GNA12: variants seen among roughly 807,000 people sequenced by gnomAD.
The protein encoded by GNA12 is guanine nucleotide-binding protein subunit alpha-12.
A neutral mutation model predicts 26.0 loss-of-function variants in GNA12; 9 were observed. The observed-to-expected ratio is 0.35, with a 90% confidence interval of 0.21 to 0.60. The LOEUF (loss-of-function observed/expected upper bound fraction) is 0.60, where lower values mean the gene tolerates loss of function less well. Among genes scored for constraint, GNA12 ranks in the 20% least tolerant of loss-of-function variants. GNA12 has a pLI of 0.78. For synonymous variants in GNA12, 264 were observed against 219.6 expected, an observed-to-expected ratio of 1.20 and a Z score of -1.79; for missense variants, 405 against 525.8, an observed-to-expected ratio of 0.77 and a Z score of 2.25.
Position 2,731,529 on chromosome 7 carries a change from G to T in GNA12, c.798C>A (p.Arg266=). ...EYDQVLMEDR[R]TNRLVESMNI... is the part of the protein sequence containing the mutation. ...TCATGGACTCCACCAGCCGGTTGGT[G>T]CGCCTGTCCTCCATGAGGACCTGGT... Residue 266 remains arginine, a synonymous_variant, in exon 4 of 4, where the codon CGC becomes CGA. Transcript: ENST00000275364. This position sits in a 1 kb window ranked among gnomAD's most constrained non-coding sequence, Gnocchi z 6.0. 1.9e-6 allele frequency: 3 copies of T among 1,612,262 alleles called. No individual in the cohort carries two copies. The highest frequency in any genetic ancestry group is 2.5e-6 in the Non-Finnish European group (3 of 1,178,696).
intron 1 of GNA12, chr7:2,835,722 A>T (rs1778818881): frequency 1.0e-6 from 1 of 952,422 alleles, no homozygotes. Flanking sequence ...GTAGAATCAC[A>T]GAGCTGAAGG....
chr7:2,738,797 G>A (rs750230652), intron 2 of GNA12, among the ~76,000 whole-genome samples: 3 of 152,152 alleles, frequency 2.0e-5, no homozygotes, highest in East Asian at 1.9e-4. Flanking sequence ...GGTTAGAGGC[G>A]GAACCTAGAA....
At chr7:2,808,541 G>A (rs1220630217) in intron 1 of GNA12, among the ~76,000 whole-genome samples, 1 of 152,194 alleles carries the variant, frequency 6.6e-6, no homozygotes, top group Admixed American at 6.5e-5. Flanking sequence ...CGCACAGGAG[G>A]ACCTCACTCC....
rs960426434 is a variant in GNA12, at chr7:2,762,942, G to A, written c.526-29441C>T. On this transcript the variant is annotated intron_variant, in intron 2 of 3. Transcript: ENST00000275364. ...AGGCGGGGACGCCCCAGACACTCCCGTGGGGCCCGTGCCAGGGTCTCCTGC... is the reference window on the plus strand; with the variant it reads ...AGGCGGGGACGCCCCAGACACTCCCATGGGGCCCGTGCCAGGGTCTCCTGC... 7.5e-5 allele frequency: 104 copies of A among 1,380,048 alleles called. No homozygotes were observed. The African/African-American group carries it at 1.0e-3, about 14-fold the overall frequency. 85.5% of individuals were successfully genotyped at this position (1,380,048 alleles called of 1,614,324 possible).
At chr7:2,808,196 C>T (rs1792994798) in intron 1 of GNA12, among the ~76,000 whole-genome samples, 1 of 152,240 alleles carries the variant, frequency 6.6e-6, no homozygotes, top group South Asian at 2.1e-4. Context: ...GAACATGTTT[C>T]CTTCTCACGC....
chr7:2,776,389 C>G (rs1792077041), intron 2 of GNA12, among the ~76,000 whole-genome samples: 1 of 152,210 alleles, frequency 6.6e-6, no homozygotes, highest in African/African-American at 2.4e-5. Context: ...GACCAGGGGA[C>G]ACACTGTACA....
chr7:2,817,069 A>C (rs1793234404), intron 1 of GNA12, among the ~76,000 whole-genome samples: 1 of 152,160 alleles, frequency 6.6e-6, no homozygotes, highest in Non-Finnish European at 1.5e-5. Context: ...CTCTCTACTT[A>C]AACTTTCCAA....
In GNA12 at chr7:2,730,556, A is replaced by C. The variant is rs1789836213; in HGVS notation, c.*625T>G. On this transcript the variant is annotated 3_prime_UTR_variant, in exon 4 of 4. Transcript: ENST00000275364. Reference sequence around the variant, plus strand: ...AGGCACGGCTCCTCAGCTTCATCTGAGAGGCTTGGACTAGGGGCTCTTAGG... The same window carrying C: ...AGGCACGGCTCCTCAGCTTCATCTGCGAGGCTTGGACTAGGGGCTCTTAGG... 1 of 152,418 alleles carries C rather than the reference A, an allele frequency of 6.6e-6. No homozygotes were observed. The highest frequency in any genetic ancestry group is 2.4e-5 in the African/African-American group (1 of 41,426). The allele number at this position is 152,418 out of a possible 1,614,324, so 9.4% of individuals were successfully genotyped here.
At chr7:2,841,137 G>A (rs1025515654) in intron 1 of GNA12, among the ~76,000 whole-genome samples, 1 of 152,154 alleles carries the variant, frequency 6.6e-6, no homozygotes, top group Non-Finnish European at 1.5e-5. Context: ...GCATCAGGAG[G>A]TTGAGTTTTC....
Position 2,729,984 on chromosome 7 carries a change from G to T in GNA12, c.*1197C>A, listed in dbSNP as rs1434510074. On this transcript the variant is annotated 3_prime_UTR_variant, in exon 4 of 4. Transcript: ENST00000275364. ...TCCGAGAGTGTTTACTCTTCTGCAA[G>T]CACAGTCATAGAAGCGAGGGGCCTC... is the stretch of plus-strand genomic sequence containing the variant. 6.6e-6 allele frequency: 1 copy of T among 152,374 alleles called. No individual in the cohort carries two copies. Among genetic ancestry groups the T allele is most frequent in the East Asian group, 1.9e-4 (1 of 5,294 alleles). The allele number at this position is 152,374 out of a possible 1,614,324, so 9.4% of individuals were successfully genotyped here. A position where few individuals can be genotyped will look rare whatever the true frequency, so the allele number is the denominator to read the frequency against.
intron 2 of GNA12, among the ~76,000 whole-genome samples, chr7:2,741,097 A>T (rs113998421): frequency 0.016 from 2,485 of 152,244 alleles, 70 homozygotes; most frequent in African/African-American, 0.056. Flanking sequence ...ACCACTATAG[A>T]TTTAGATTCT....
chr7:2,843,809 CCGG>C, intron 1 of GNA12, 41 bp downstream of exon 1: 1 of 1,213,066 alleles, frequency 8.2e-7, no homozygotes, highest in Non-Finnish European at 1.1e-6. Flanking sequence ...GGTTAGCGCC[CCGG>C]CCCACCTGGG....
At chr7:2,751,794 T>C (rs1378246072) in intron 2 of GNA12, among the ~76,000 whole-genome samples, 3 of 152,230 alleles carry the variant, frequency 2.0e-5, no homozygotes, top group African/African-American at 7.2e-5. Flanking sequence ...AAAAATTTAA[T>C]TTCCCAAAAC....
intron 2 of GNA12, among the ~76,000 whole-genome samples, chr7:2,757,498 A>T (rs973004362): frequency 2.6e-5 from 4 of 152,154 alleles, no homozygotes; most frequent in African/African-American, 9.7e-5. Context: ...CAAGGAAATG[A>T]ACTCTGCCAG....
At chr7:2,737,138 C>T (rs952360984) in intron 2 of GNA12, among the ~76,000 whole-genome samples, 6 of 152,080 alleles carry the variant, frequency 3.9e-5, no homozygotes, top group African/African-American at 1.2e-4. Context: ...CAGATGTAAG[C>T]GTCTAAGTAG....
At chr7:2,821,904 T>A (rs1793378368) in intron 1 of GNA12, among the ~76,000 whole-genome samples, 1 of 152,226 alleles carries the variant, frequency 6.6e-6, no homozygotes, top group South Asian at 2.1e-4. Flanking sequence ...TACAAGAATT[T>A]ATTTATGCAT....
At chr7:2,788,894 C>T (rs1792433900) in intron 2 of GNA12, among the ~76,000 whole-genome samples, 1 of 152,134 alleles carries the variant, frequency 6.6e-6, no homozygotes, top group Non-Finnish European at 1.5e-5. Flanking sequence ...GATCTCTGCT[C>T]ACTGCAACCT....
At chr7:2,757,993 C>A (rs1316963850) in intron 2 of GNA12, among the ~76,000 whole-genome samples, 2 of 152,192 alleles carry the variant, frequency 1.3e-5, no homozygotes, top group African/African-American at 4.8e-5. Context: ...CTGGTTAACA[C>A]AGAACACAAG....
chr7:2,779,544 C>T (rs1792169117), intron 2 of GNA12, among the ~76,000 whole-genome samples: 1 of 151,872 alleles, frequency 6.6e-6, no homozygotes, highest in African/African-American at 2.4e-5. Flanking sequence ...TTTTATAATT[C>T]ACTCTAAAAT....
Sources: gnomAD v4.1 joint callset for allele counts (sites outside exome capture counted in the v4.1 genomes callset) on GRCh38, gnomAD v4.1.1 for gene constraint, Gnocchi (gnomAD v3.1) non-coding constraint, MANE v1.5 for transcripts, NCBI Gene and HGNC (gene_info 2026-07-23, HGNC 2026-07-21) for gene names.